SMAP2: variants seen among roughly 807,000 people sequenced by gnomAD.
SMAP2 encodes stromal membrane-associated protein 2.
In SMAP2, 25 loss-of-function variants were observed where a neutral mutation model predicts 56.4. The observed-to-expected ratio is 0.44, with a 90% CI of 0.32 to 0.62. The LOEUF (loss-of-function observed/expected upper bound fraction) is 0.62. Among genes scored for constraint, SMAP2 ranks in the 20% least tolerant of loss-of-function variants. The pLI, the probability that SMAP2 is intolerant of heterozygous loss-of-function variation, is 0.04. For synonymous variants in SMAP2, 157 were observed against 181.7 expected, an observed-to-expected ratio of 0.86 and a Z score of 1.09; for missense variants, 388 against 545.6, an observed-to-expected ratio of 0.71 and a Z score of 2.88.
In SMAP2 at chr1:40,422,860, T is replaced by A. The variant is rs1645056593; in HGVS notation, c.*759T>A. 6.5e-6 allele frequency: 1 copy of A among 152,812 alleles called. No homozygotes were observed. Among genetic ancestry groups the A allele is most frequent in the Non-Finnish European group, 1.5e-5 (1 of 68,488 alleles). 9.5% of individuals were successfully genotyped at this position (152,812 alleles called of 1,614,324 possible). ...GGAGGACCAACCCCTATAGTGGGAA[T>A]GCAGAGCTTAACGTGTACTGCTTGT... On this transcript the variant is annotated 3_prime_UTR_variant, in exon 10 of 10. Transcript: ENST00000372718.
At position 40,408,815 on chromosome 1, in the gene SMAP2, G is replaced by A. The variant is rs1644909615; in HGVS notation, c.323+77G>A. On this transcript the variant is annotated intron_variant, in intron 3 of 9. Coordinates refer to ENST00000372718, the MANE Select transcript of SMAP2 (RefSeq NM_022733.3). This position sits in a 1 kb window ranked among gnomAD's most constrained non-coding sequence, Gnocchi z 4.3. ...GAGAGTCAGACAAGACTCCAGTCCT[G>A]TAATGTGACTGGGTCATCTCTATGT... is the stretch of plus-strand genomic sequence containing the variant. The A allele has an allele frequency of 1.1e-5, 12 of 1,128,346 alleles. No homozygotes were observed. The South Asian group carries it at 1.4e-4, about 13-fold the overall frequency. 69.9% of individuals were successfully genotyped at this position (1,128,346 alleles called of 1,614,324 possible).
Position 40,404,336 on chromosome 1 carries a change from T to C in SMAP2, c.104-2400T>C, listed in dbSNP as rs970964958. On this transcript the variant is annotated intron_variant, in intron 1 of 9. Transcript: ENST00000372718. ...CAAGGGATGTCAGGTAGGGATTTGG[T>C]GGGGAGAAGAGGCTGTTCTTTGGCT... 9.2e-5 allele frequency among the ~76,000 whole-genome samples: 14 copies of C among 152,200 alleles called. 1 individual carries two copies. Among genetic ancestry groups the C allele is most frequent in the East Asian group, 5.8e-4 (3 of 5,180 alleles).
intron 2 of SMAP2, among the ~76,000 whole-genome samples, chr1:40,365,910 C>T (rs1322188959): frequency 5.4e-5 from 8 of 148,978 alleles, no homozygotes; most frequent in East Asian, 2.0e-4. Context: ...CTCTGAGCTA[C>T]GGGAGGACAT....
At chr1:40,371,399 CT>C (rs1286628994), upstream of SMAP2, among the ~76,000 whole-genome samples, 1 of 152,144 alleles carries the variant, frequency 6.6e-6, no homozygotes, top group African/African-American at 2.4e-5. Flanking sequence ...AGAGCTAATA[CT>C]TGATGTATCT....
At chr1:40,381,438 G>A (rs1228295630) in intron 1 of SMAP2, among the ~76,000 whole-genome samples, 1 of 152,226 alleles carries the variant, frequency 6.6e-6, no homozygotes, top group Non-Finnish European at 1.5e-5. Flanking sequence ...AGAAAAGTAG[G>A]CTGTGTCTTA....
At position 40,415,221 on chromosome 1, in the gene SMAP2, G is replaced by T. The variant is rs557369896; in HGVS notation, c.572-51G>T. 4 of 1,367,876 alleles carry T rather than the reference G, an allele frequency of 2.9e-6. No homozygotes were observed. The South Asian group carries it at 4.7e-5, about 16-fold the overall frequency. 84.7% of individuals were successfully genotyped at this position (1,367,876 alleles called of 1,614,324 possible). A position where few individuals can be genotyped will look rare whatever the true frequency, so the allele number is the denominator to read the frequency against. ...GCTTTTTGTCTAGAATAGAAGGAAG[G>T]CATGGGCTTAATAAGCAGTGCTGCA... On this transcript the variant is annotated intron_variant, in intron 6 of 9. Transcript: ENST00000372718.
At position 40,374,922 on chromosome 1, in the gene SMAP2, C is replaced by T; in HGVS notation, c.103+699C>T. 1 of 985,274 alleles carries T rather than the reference C, an allele frequency of 1.0e-6. No individual in the cohort carries two copies. Among genetic ancestry groups the T allele is most frequent in the Non-Finnish European group, 1.2e-6 (1 of 829,902 alleles). The allele number at this position is 985,274 out of a possible 1,614,324, so 61.0% of individuals were successfully genotyped here. ...ATGTATGAGTGGTGGCAGAAACTAG[C>T]CGATTATGCCTGTAGTGCAGGATCC... On this transcript the variant is annotated intron_variant, in intron 1 of 9. Transcript: ENST00000372718. The surrounding 1 kb of genome is among the most constrained non-coding windows in gnomAD (Gnocchi z 5.9).
At chr1:40,419,229 C>G (rs1480531738) in intron 9 of SMAP2, among the ~76,000 whole-genome samples, 2 of 151,250 alleles carry the variant, frequency 1.3e-5, no homozygotes, top group Non-Finnish European at 2.9e-5. Context: ...AAGGTAATCA[C>G]TAGAACAAAC....
Position 40,416,197 on chromosome 1 carries a change from G to T in SMAP2, c.703G>T (p.Ala235Ser), listed in dbSNP as rs777708270. 2.5e-6 allele frequency: 4 copies of T among 1,613,890 alleles called. No homozygotes were observed. Among genetic ancestry groups the T allele is most frequent in the East Asian group, 2.2e-5 (1 of 44,874 alleles). ...SRKVVGSMPT[A>S]GSAGSVPENL... is the part of the protein sequence containing the mutation. The stretch of plus-strand genomic sequence containing the variant: ...TAAGGTTGTAGGTTCCATGCCAACT[G>T]CAGGGAGTGCCGGCTCTGTTCCTGA... The change falls in exon 8 of 10, where the codon GCA (alanine) becomes TCA (serine). Residue 235 changes from alanine (A) to serine (S), a missense_variant. Physicochemically the swap from Ala to Ser is moderately conservative, Grantham distance 99 (BLOSUM62 1). Transcript: ENST00000372718.
At chr1:40,406,484 A>G (rs1644887114) in intron 1 of SMAP2, among the ~76,000 whole-genome samples, 1 of 152,222 alleles carries the variant, frequency 6.6e-6, no homozygotes, top group South Asian at 2.1e-4. Flanking sequence ...GACTAATGAA[A>G]ATGTTCTGGA....
chr1:40,345,342 A>G (rs1012767912), intron 1 of SMAP2, among the ~76,000 whole-genome samples: 6 of 151,990 alleles, frequency 3.9e-5, no homozygotes, highest in Non-Finnish European at 7.4e-5. Context: ...GCAGTGAGCC[A>G]TGATCGTGCC....
At chr1:40,384,112 G>A (rs538684875) in intron 1 of SMAP2, among the ~76,000 whole-genome samples, 2 of 152,254 alleles carry the variant, frequency 1.3e-5, no homozygotes, top group African/African-American at 4.8e-5. Flanking sequence ...TGGCCAGGCT[G>A]GTCTCAAACT....
At chr1:40,387,617 A>C (rs1367014216) in intron 1 of SMAP2, among the ~76,000 whole-genome samples, 1 of 152,018 alleles carries the variant, frequency 6.6e-6, no homozygotes, top group African/African-American at 2.4e-5. Context: ...CATAAGGGAC[A>C]TAAGGAACAG....
chr1:40,352,882 T>A (rs1319810589), intron 1 of SMAP2, among the ~76,000 whole-genome samples: 2 of 152,168 alleles, frequency 1.3e-5, no homozygotes, highest in African/African-American at 2.4e-5. Context: ...TGTAATGATC[T>A]CGACCACAAT....
intron 1 of SMAP2, among the ~76,000 whole-genome samples, chr1:40,350,855 T>C (rs1557820300): frequency 6.6e-6 from 1 of 152,246 alleles, no homozygotes; most frequent in Non-Finnish European, 1.5e-5. Flanking sequence ...TTTAAAATTA[T>C]GTTGTTCACT....
chr1:40,412,057 A>G (rs1382797292), intron 4 of SMAP2, among the ~76,000 whole-genome samples: 2 of 152,222 alleles, frequency 1.3e-5, no homozygotes, highest in African/African-American at 4.8e-5. Context: ...TTCAGTGAGT[A>G]GCTAAATCAC....
intron 1 of SMAP2, among the ~76,000 whole-genome samples, chr1:40,353,881 G>A (rs1199786581): frequency 6.6e-6 from 1 of 151,996 alleles, no homozygotes; most frequent in Non-Finnish European, 1.5e-5. Flanking sequence ...GTGAGCCATC[G>A]TGCCTGGCCA....
At chr1:40,353,265 A>G (rs1273398873) in intron 1 of SMAP2, among the ~76,000 whole-genome samples, 3 of 152,214 alleles carry the variant, frequency 2.0e-5, no homozygotes, top group African/African-American at 7.2e-5. Context: ...TCATTGGAAG[A>G]TGATGCAATG....
chr1:40,421,367 C>T (rs112164066), intron 9 of SMAP2, among the ~76,000 whole-genome samples: 524 of 152,184 alleles, frequency 3.4e-3, no homozygotes, highest in African/African-American at 0.011. Context: ...TGAAGGACCC[C>T]CGCCCCATCC....
Sources: allele counts gnomAD v4.1 joint callset (sites outside exome capture counted in the v4.1 genomes callset), GRCh38; gene constraint gnomAD v4.1.1; non-coding constraint Gnocchi (gnomAD v3.1); transcripts MANE v1.5; gene names NCBI Gene and HGNC (gene_info 2026-07-23, HGNC 2026-07-21).